The following PIK3C2G variants were observed in gnomAD, a reference collection of about 807,000 sequenced individuals.
The protein encoded by PIK3C2G is phosphatidylinositol 3-kinase C2 domain-containing subunit gamma.
PIK3C2G carries 168 observed loss-of-function variants against 181.1 expected under a neutral mutation model. The ratio of observed to expected loss-of-function variants is 0.93; its 90% CI spans 0.82 to 1.05. PIK3C2G has a LOEUF of 1.05. Ranked by LOEUF, PIK3C2G falls within the 50% of genes least tolerant of loss-of-function variation. PIK3C2G has a pLI of 0.00. For missense variants in PIK3C2G, 1,869 were observed against 1,732.8 expected (o/e 1.08, Z -1.40); for synonymous variants, 573 against 592.2 (o/e 0.97, Z 0.47).
Position 18,487,354 on chromosome 12 carries a change from C to G in PIK3C2G, c.2505-1095C>G, listed in dbSNP as rs550798911. Among the ~76,000 whole-genome samples, 11 of 152,072 alleles carry G rather than the reference C, an allele frequency of 7.2e-5. No homozygotes were observed. The South Asian group carries it at 2.3e-3, about 32-fold the overall frequency. On this transcript the variant is annotated intron_variant, in intron 18 of 32. Coordinates refer to ENST00000538779, the MANE Select transcript of PIK3C2G (RefSeq NM_001288772.2). ...AAATAATTTGTTTGTTAGAGTATCTCTAACATAATACACATTGGACAGAGA... is the reference window on the plus strand; with the variant it reads ...AAATAATTTGTTTGTTAGAGTATCTGTAACATAATACACATTGGACAGAGA...
rs141315029 is a variant in PIK3C2G, at chr12:18,533,032, G to C, written c.3324-5124G>C. ...AAAACTCACCTCCATGTTGTTACTT[G>C]AGTCCTGACATCCCTAGGTAGTCTG... On this transcript the variant is annotated intron_variant, in intron 24 of 32. Coordinates refer to ENST00000538779, the MANE Select transcript of PIK3C2G (RefSeq NM_001288772.2). Among the ~76,000 whole-genome samples, 799 of 152,022 alleles carry C rather than the reference G, an allele frequency of 5.3e-3. 7 individuals carry two copies. The highest frequency in any genetic ancestry group is 0.018 in the African/African-American group (766 of 41,474).
At chr12:18,605,934 C>T (rs1395435989) in intron 30 of PIK3C2G, among the ~76,000 whole-genome samples, 1 of 152,132 alleles carries the variant, frequency 6.6e-6, no homozygotes, top group Non-Finnish European at 1.5e-5. Flanking sequence ...TGAGTTTCCT[C>T]ATGTGTAAAA....
chr12:18,638,265 C>T (rs1428319738), intron 31 of PIK3C2G, among the ~76,000 whole-genome samples: 1 of 152,154 alleles, frequency 6.6e-6, no homozygotes, highest in Non-Finnish European at 1.5e-5. Context: ...GCAGCTGCCT[C>T]AGAGGAGGCT....
At chr12:18,668,600 T>C in the PIK3C2G span, among the ~76,000 whole-genome samples, 1 of 152,092 alleles carries the variant, frequency 6.6e-6, no homozygotes, top group East Asian at 1.9e-4. Flanking sequence ...ACACTGAAGA[T>C]AGGACCAACA....
chr12:18,537,447 C>T (rs1261843358), intron 24 of PIK3C2G, among the ~76,000 whole-genome samples: 1 of 151,698 alleles, frequency 6.6e-6, no homozygotes, highest in Non-Finnish European at 1.5e-5. Context: ...CAGCCCTATC[C>T]GTATCTTAAA....
At chr12:18,281,970 C>A (rs1949239159) in intron 1 of PIK3C2G, 34 bp from the exon 2 acceptor site, 2 of 653,016 alleles carry the variant, frequency 3.1e-6, no homozygotes, top group Non-Finnish European at 5.3e-6. Context: ...CTTTCAAATT[C>A]AATATATTTT....
chr12:18,653,193 C>G (rs1950594218), downstream of PIK3C2G, among the ~76,000 whole-genome samples: 2 of 152,112 alleles, frequency 1.3e-5, no homozygotes. Flanking sequence ...CCAGCATTGG[C>G]AGCATGGTTT....
upstream of PIK3C2G, among the ~76,000 whole-genome samples, chr12:18,257,997 T>A (rs375508087): frequency 1.3e-5 from 2 of 152,296 alleles, no homozygotes; most frequent in African/African-American, 4.8e-5. Context: ...CAAAGGCATA[T>A]GGGAAGTGTC....
chr12:18,391,004 CA>C, intron 14 of PIK3C2G, 117 bp from the exon 15 acceptor site: 1 of 641,374 alleles, frequency 1.6e-6, no homozygotes, highest in Middle Eastern at 5.0e-4. Context: ...ATAAATAGCA[CA>C]GAAAAAATAG....
At chr12:18,532,503 A>G (rs1292384298) in intron 24 of PIK3C2G, among the ~76,000 whole-genome samples, 1 of 152,122 alleles carries the variant, frequency 6.6e-6, no homozygotes, top group Non-Finnish European at 1.5e-5. Flanking sequence ...TGTATTAGGT[A>G]TGAAGTTTGG....
intron 1 of PIK3C2G, among the ~76,000 whole-genome samples, chr12:18,252,517 C>G (rs1948104993): frequency 6.6e-6 from 1 of 152,116 alleles, no homozygotes; most frequent in African/African-American, 2.4e-5. Flanking sequence ...GGTGTTGGAG[C>G]CTTCAGAAAT....
the PIK3C2G span, among the ~76,000 whole-genome samples, chr12:18,713,184 T>C: frequency 1.1e-4 from 16 of 152,270 alleles, no homozygotes; most frequent in African/African-American, 3.8e-4. Flanking sequence ...ATACTATCTG[T>C]GTAGTACAAT....
chr12:18,615,316 G>GAGT (rs1181371055), intron 31 of PIK3C2G, among the ~76,000 whole-genome samples: 17 of 148,270 alleles, frequency 1.1e-4, no homozygotes, highest in African/African-American at 4.1e-4. Flanking sequence ...TTTTATGGCT[G>GAGT]AGTAGTATTC....
intron 29 of PIK3C2G, among the ~76,000 whole-genome samples, chr12:18,576,510 A>C (rs1440289389): frequency 6.6e-6 from 1 of 152,266 alleles, no homozygotes; most frequent in Admixed American, 6.5e-5. Context: ...ATAGTGTAAT[A>C]GGGAAACAGA....
intron 18 of PIK3C2G, among the ~76,000 whole-genome samples, chr12:18,453,990 A>C (rs1947499313): frequency 6.6e-6 from 1 of 152,188 alleles, no homozygotes; most frequent in Non-Finnish European, 1.5e-5. Context: ...TAAGTGCCAC[A>C]TAAATGCCTT....
At chr12:18,619,526 G>A (rs762780556) in intron 31 of PIK3C2G, among the ~76,000 whole-genome samples, 4 of 151,940 alleles carry the variant, frequency 2.6e-5, no homozygotes, top group South Asian at 4.1e-4. Context: ...TCTGAGTAAT[G>A]CTTTAGCTGT....
At chr12:18,476,884 A>G (rs1261540751) in intron 18 of PIK3C2G, among the ~76,000 whole-genome samples, 2 of 151,922 alleles carry the variant, frequency 1.3e-5, no homozygotes, top group African/African-American at 2.4e-5. Context: ...AAAAAAAAAG[A>G]GTTCTAAGTT....
chr12:18,247,133 C>G (rs528755432), upstream of PIK3C2G, among the ~76,000 whole-genome samples: 1 of 152,148 alleles, frequency 6.6e-6, no homozygotes, highest in Non-Finnish European at 1.5e-5. Flanking sequence ...TCCTAAGTCC[C>G]ATTTCCTAAA....
intron 5 of PIK3C2G, 95 bp downstream of exon 5, chr12:18,294,110 A>G (rs1192061813): frequency 9.5e-6 from 6 of 634,344 alleles, no homozygotes; most frequent in Non-Finnish European, 1.7e-5. Context: ...TTACACAAAC[A>G]TTATAGTCTT....
Sources: gnomAD v4.1 joint callset for allele counts (sites outside exome capture counted in the v4.1 genomes callset) on GRCh38, gnomAD v4.1.1 for gene constraint, MANE v1.5 for transcripts, NCBI Gene and HGNC (gene_info 2026-07-23, HGNC 2026-07-21) for gene names.